The following FUT9 variants were observed in gnomAD, a reference collection of about 807,000 sequenced individuals.
FUT9 encodes the protein 4-galactosyl-N-acetylglucosaminide 3-alpha-L-fucosyltransferase 9.
A neutral mutation model predicts 29.7 loss-of-function variants in FUT9; 15 were observed. That is an observed-to-expected ratio of 0.51 (90% CI 0.34 to 0.78). The LOEUF is 0.78. Ranked by LOEUF, FUT9 falls within the 30% of genes least tolerant of loss-of-function variation. FUT9 has a pLI of 0.01. For missense variants in FUT9, 319 were observed against 425.4 expected (o/e 0.75, Z 2.20); for synonymous variants, 169 against 153.7 (o/e 1.10, Z -0.74).
Position 96,208,782 on chromosome 6 carries a change from G to A in FUT9, c.*4547G>A, listed in dbSNP as rs144125411. 2.0e-3 allele frequency: 337 copies of A among 166,872 alleles called. 1 individual carries two copies. The highest frequency in any genetic ancestry group is 3.5e-3 in the Non-Finnish European group (241 of 67,974). 10.3% of individuals were successfully genotyped at this position (166,872 alleles called of 1,614,324 possible). On this transcript the variant is annotated 3_prime_UTR_variant, in exon 3 of 3. Transcript: ENST00000302103. ...AAAGGAAAGAAAATTAGTATTTAAG[G>A]AGAGTATAAAGTGCGAGCACTGTGA...
rs574676529 is a variant in FUT9, at chr6:96,116,850, AG to A, written c.-9+2729del. Among the ~76,000 whole-genome samples, 814 of 152,286 alleles carry A rather than the reference AG, an allele frequency of 5.3e-3. 1 individual carries two copies. Among genetic ancestry groups the A allele is most frequent in the Middle Eastern group, 0.017 (5 of 294 alleles). ...CATTGATTACATGAGGAAATTTTAA[AG>A]GGGGGTGGAACTGTCCGTGGTGCTG... On this transcript the variant is annotated intron_variant, in intron 2 of 2. Coordinates refer to ENST00000302103, the MANE Select transcript of FUT9 (RefSeq NM_006581.4).
rs117427568 is a variant in FUT9 at position 96,146,388 on chromosome 6, C to G, written c.-9+32261C>G. Reference sequence around the variant, plus strand: ...AAGTATTTATTAATGATGCTGGTTACCTTTTAAACACAAAATTTAAAATGT... The same window carrying G: ...AAGTATTTATTAATGATGCTGGTTAGCTTTTAAACACAAAATTTAAAATGT... On this transcript the variant is annotated intron_variant, in intron 2 of 2. Coordinates refer to ENST00000302103, the MANE Select transcript of FUT9 (RefSeq NM_006581.4). Among the ~76,000 whole-genome samples the G allele has an allele frequency of 1.3e-3, 192 of 152,144 alleles. 2 individuals carry two copies. The East Asian group carries it at 0.025, about 20-fold the overall frequency.
chr6:96,058,698 A>G (rs1770820661), intron 1 of FUT9, among the ~76,000 whole-genome samples: 1 of 152,210 alleles, frequency 6.6e-6, no homozygotes, highest in South Asian at 2.1e-4. Context: ...AATGTATGGT[A>G]AGCATTAGCA....
chr6:96,144,977 A>G (rs1219754185), intron 2 of FUT9, among the ~76,000 whole-genome samples: 1 of 152,202 alleles, frequency 6.6e-6, no homozygotes, highest in Non-Finnish European at 1.5e-5. Context: ...CTCTGTTTAT[A>G]CTATTTAATT....
At chr6:96,046,221 G>GCACA (rs139036869) in intron 1 of FUT9, among the ~76,000 whole-genome samples, 36,165 of 147,834 alleles carry the variant, frequency 0.24, 5,095 homozygotes, top group African/African-American at 0.39. Flanking sequence ...ACACAGATAT[G>GCACA]CACACACACA....
At chr6:96,032,662 T>A (rs1036788487) in intron 1 of FUT9, among the ~76,000 whole-genome samples, 1 of 151,564 alleles carries the variant, frequency 6.6e-6, no homozygotes, top group Admixed American at 6.6e-5. Context: ...TACTATTGTC[T>A]TTACGTGAAA....
At chr6:96,187,409 G>A (rs999635870) in intron 2 of FUT9, among the ~76,000 whole-genome samples, 2 of 152,124 alleles carry the variant, frequency 1.3e-5, no homozygotes, top group African/African-American at 4.8e-5. Flanking sequence ...CATCCAATAG[G>A]GAGGAGCAGA....
chr6:96,135,940 A>G (rs367961188), intron 2 of FUT9, among the ~76,000 whole-genome samples: 1 of 151,346 alleles, frequency 6.6e-6, no homozygotes, highest in Admixed American at 6.6e-5. Context: ...CTCAAGCAGC[A>G]TATCTTAGTG....
chr6:96,118,539 G>C (rs939373137), intron 2 of FUT9, among the ~76,000 whole-genome samples: 2 of 152,172 alleles, frequency 1.3e-5, no homozygotes, highest in African/African-American at 4.8e-5. Context: ...TAAAAGTGTA[G>C]TACATACTGT....
rs118160761 is a variant in FUT9 at position 96,114,099 on chromosome 6, C to T, written c.-37C>T. 5.3e-5 allele frequency: 8 copies of T among 152,194 alleles called. No individual in the cohort carries two copies. The highest frequency in any genetic ancestry group is 4.1e-4 in the South Asian group (2 of 4,828). 9.4% of individuals were successfully genotyped at this position (152,194 alleles called of 1,614,324 possible). On this transcript the variant is annotated 5_prime_UTR_variant, in exon 2 of 3. In the 5' UTR this introduces an upstream ATG that the reference lacks. Transcript: ENST00000302103. The stretch of plus-strand genomic sequence containing the variant: ...AGTGAAGTAGTATAACAACTGTCTA[C>T]GTGCTTCCCATGATATGTTCTCTAT...
In FUT9 at chr6:96,206,173, C is replaced by G. The variant is rs1349046315; in HGVS notation, c.*1938C>G. On this transcript the variant is annotated 3_prime_UTR_variant, in exon 3 of 3. Coordinates refer to ENST00000302103, the MANE Select transcript of FUT9 (RefSeq NM_006581.4). ...TGGGGAAAAAAAGTAGAAAATTTCC[C>G]CAATTGCTTAGCTGTTTGACATGTT... is the stretch of plus-strand genomic sequence containing the variant. 6.0e-6 allele frequency: 1 copy of G among 167,142 alleles called. No homozygotes were observed. Among genetic ancestry groups the G allele is most frequent in the East Asian group, 1.9e-4 (1 of 5,166 alleles). 10.4% of individuals were successfully genotyped at this position (167,142 alleles called of 1,614,324 possible). A position where few individuals can be genotyped will look rare whatever the true frequency, so the allele number is the denominator to read the frequency against.
intron 1 of FUT9, among the ~76,000 whole-genome samples, chr6:96,087,179 A>T (rs1239994738): frequency 6.6e-6 from 1 of 152,058 alleles, no homozygotes; most frequent in Admixed American, 6.6e-5. Context: ...ATTTTGGATT[A>T]TTGGAATATT....
intron 1 of FUT9, among the ~76,000 whole-genome samples, chr6:96,022,164 C>T (rs892251247): frequency 2.6e-5 from 4 of 151,950 alleles, no homozygotes; most frequent in African/African-American, 4.8e-5. Flanking sequence ...TTAGTGATAA[C>T]GATGTTTCAC....
At chr6:96,069,320 C>A (rs1447604456) in intron 1 of FUT9, among the ~76,000 whole-genome samples, 7 of 146,064 alleles carry the variant, frequency 4.8e-5, no homozygotes, top group Admixed American at 6.8e-5. Flanking sequence ...GACTCCATCT[C>A]AAAAAAAAAA....
At chr6:96,183,415 T>G (rs557771636) in intron 2 of FUT9, among the ~76,000 whole-genome samples, 3 of 152,174 alleles carry the variant, frequency 2.0e-5, no homozygotes, top group East Asian at 3.9e-4. Flanking sequence ...GACTTCCTCT[T>G]TATCTATTTG....
In FUT9 at chr6:96,123,144, A is replaced by G. The variant is rs80080126; in HGVS notation, c.-9+9017A>G. 4.1e-3 allele frequency among the ~76,000 whole-genome samples: 624 copies of G among 151,230 alleles called. 1 individual carries two copies. Among genetic ancestry groups the G allele is most frequent in the Non-Finnish European group, 6.6e-3 (447 of 67,804 alleles). On this transcript the variant is annotated intron_variant, in intron 2 of 2. Coordinates refer to ENST00000302103, the MANE Select transcript of FUT9 (RefSeq NM_006581.4). Reference sequence around the variant, plus strand: ...GTGAGGATTAAATGCAAAAAAATGCATAACAAAGATTATGCATAGTGTCAA... The same window carrying G: ...GTGAGGATTAAATGCAAAAAAATGCGTAACAAAGATTATGCATAGTGTCAA...
chr6:96,188,186 T>A (rs1316654505), intron 2 of FUT9, among the ~76,000 whole-genome samples: 1 of 152,122 alleles, frequency 6.6e-6, no homozygotes, highest in Non-Finnish European at 1.5e-5. Context: ...ATAAAATAAA[T>A]TTTCATTCAT....
intron 1 of FUT9, among the ~76,000 whole-genome samples, chr6:96,065,367 C>T (rs1458987457): frequency 6.6e-6 from 1 of 152,094 alleles, no homozygotes; most frequent in Non-Finnish European, 1.5e-5. Context: ...CCTCTCCTTG[C>T]ATGCTCTGAG....
chr6:96,062,586 G>A (rs1335546220), intron 1 of FUT9, among the ~76,000 whole-genome samples: 3 of 152,124 alleles, frequency 2.0e-5, no homozygotes, highest in South Asian at 4.1e-4. Flanking sequence ...AAATATGATA[G>A]ATAGATAAAT....
Sources: gnomAD v4.1 joint callset for allele counts (sites outside exome capture counted in the v4.1 genomes callset) on GRCh38, gnomAD v4.1.1 for gene constraint, MANE v1.5 for transcripts, NCBI Gene and HGNC (gene_info 2026-07-23, HGNC 2026-07-21) for gene names.